BAG4: variants seen among roughly 807,000 people sequenced by gnomAD.
The protein encoded by BAG4 is BAG cochaperone 4, also known as BAG family molecular chaperone regulator 4.
BAG4 carries 28 observed loss-of-function variants against 52.1 expected under a neutral mutation model. The observed-to-expected ratio is 0.54, with a 90% CI of 0.40 to 0.74. BAG4 has a LOEUF of 0.74. BAG4 is among the 30% of genes least tolerant of loss of function. BAG4 has a pLI of 0.00. For synonymous variants in BAG4, 208 were observed against 217.0 expected, an observed-to-expected ratio of 0.96 and a Z score of 0.37; for missense variants, 525 against 572.0, an observed-to-expected ratio of 0.92 and a Z score of 0.84.
intron 2 of BAG4, among the ~76,000 whole-genome samples, chr8:38,195,068 A>G (rs1431183186): frequency 1.3e-5 from 2 of 149,758 alleles, no homozygotes; most frequent in Non-Finnish European, 3.0e-5. Flanking sequence ...GTTAGCCAGG[A>G]TGGTCTTGAT....
chr8:38,212,352 T>A lies in BAG4; in HGVS notation c.*1859T>A, dbSNP rs986914194. The A allele has an allele frequency of 1.3e-5, 2 of 152,202 alleles. No homozygotes were observed. The highest frequency in any genetic ancestry group is 4.8e-5 in the African/African-American group (2 of 41,452). The allele number at this position is 152,202 out of a possible 1,614,324, so 9.4% of individuals were successfully genotyped here. Reference sequence around the variant, plus strand: ...TACACATGTTATGCACATACATGTTTGTTTTCTAACAGTTATTTTTTAAGC... The same window carrying A: ...TACACATGTTATGCACATACATGTTAGTTTTCTAACAGTTATTTTTTAAGC... On this transcript the variant is annotated 3_prime_UTR_variant, in exon 5 of 5. Transcript: ENST00000287322.
intron 3 of BAG4, among the ~76,000 whole-genome samples, chr8:38,207,978 T>A (rs1355647733): frequency 6.6e-6 from 1 of 152,014 alleles, no homozygotes; most frequent in African/African-American, 2.4e-5. Context: ...CTGAAAGTAA[T>A]CTTTAGAGAG....
chr8:38,192,635 A>T, intron 1 of BAG4, 53 bp from the exon 2 acceptor site: 2 of 1,401,784 alleles, frequency 1.4e-6, no homozygotes, highest in Non-Finnish European at 2.0e-6. Flanking sequence ...AATCTATCTT[A>T]AAATGATGTA....
At chr8:38,187,866 C>CAAA (rs35690753) in intron 1 of BAG4, among the ~76,000 whole-genome samples, 44 of 56,062 alleles carry the variant, frequency 7.8e-4, no homozygotes, top group African/African-American at 2.7e-3. Flanking sequence ...ACTAAAAATA[C>CAAA]AAAAAAAAAA....
chr8:38,189,453 A>G (rs1157499225), intron 1 of BAG4, among the ~76,000 whole-genome samples: 2 of 152,196 alleles, frequency 1.3e-5, no homozygotes, highest in African/African-American at 4.8e-5. Context: ...CTCTGTGGTT[A>G]TGTTACCAAC....
rs200918218 is a variant in BAG4 at position 38,202,574 on chromosome 8, T to C, written c.379-4938T>C. ...GCTCGGCCCCCTTTTTTTTTTTTTT[T>C]CTGTTTCTCAGGCTGGAGTGCAATG... On this transcript the variant is annotated intron_variant, in intron 2 of 4. Transcript: ENST00000287322. Among the ~76,000 whole-genome samples, 565 of 151,216 alleles carry C rather than the reference T, an allele frequency of 3.7e-3. 6 individuals are homozygous for C. The highest frequency in any genetic ancestry group is 0.031 in the East Asian group (160 of 5,122).
At chr8:38,180,987 C>A (rs1803255504) in intron 1 of BAG4, among the ~76,000 whole-genome samples, 1 of 149,712 alleles carries the variant, frequency 6.7e-6, no homozygotes, top group South Asian at 2.1e-4. Flanking sequence ...GTTACCCAGG[C>A]TGGAGTGCGG....
intron 1 of BAG4, among the ~76,000 whole-genome samples, chr8:38,187,079 G>C (rs1295085158): frequency 6.6e-6 from 1 of 151,988 alleles, no homozygotes; most frequent in African/African-American, 2.4e-5. Flanking sequence ...CCATACACTG[G>C]AAAAAAAGCA....
intron 2 of BAG4, among the ~76,000 whole-genome samples, chr8:38,194,409 CT>C (rs750931003): frequency 3.7e-3 from 293 of 78,622 alleles, no homozygotes; most frequent in South Asian, 0.01. Flanking sequence ...TAGGTGTGTA[CT>C]TTTTTTTTTT....
chr8:38,179,356 C>G (rs964221571), intron 1 of BAG4, among the ~76,000 whole-genome samples: 1 of 150,910 alleles, frequency 6.6e-6, no homozygotes, highest in African/African-American at 2.4e-5. Flanking sequence ...GGGGTTTTGT[C>G]GTGTGGGCCA....
At position 38,206,190 on chromosome 8, in the gene BAG4, G is replaced by T. The variant is rs956900160; in HGVS notation, c.379-1322G>T. 2.0e-5 allele frequency among the ~76,000 whole-genome samples: 3 copies of T among 151,054 alleles called. No individual in the cohort carries two copies. In the East Asian group the frequency reaches 6.0e-4, roughly 30 times the overall value. Reference sequence around the variant, plus strand: ...CTTGGGAGGCTGAGGCAGGAGAATCGCTTGAATCTGGGGGGTGGAGGTTGC... The same window carrying T: ...CTTGGGAGGCTGAGGCAGGAGAATCTCTTGAATCTGGGGGGTGGAGGTTGC... On this transcript the variant is annotated intron_variant, in intron 2 of 4. Coordinates refer to ENST00000287322, the MANE Select transcript of BAG4 (RefSeq NM_004874.4).
chr8:38,205,027 T>C (rs1442075819), intron 2 of BAG4, among the ~76,000 whole-genome samples: 1 of 151,920 alleles, frequency 6.6e-6, no homozygotes, highest in East Asian at 1.9e-4. Context: ...CAGTAAAATA[T>C]TTATTTAGTT....
intron 2 of BAG4, among the ~76,000 whole-genome samples, chr8:38,197,603 G>A (rs1178121160): frequency 1.3e-5 from 2 of 152,140 alleles, no homozygotes; most frequent in Non-Finnish European, 2.9e-5. Context: ...ACTATTGTAG[G>A]CTTTATAAGC....
At chr8:38,177,172 G>GT (rs751430942) in intron 1 of BAG4, 33 bp downstream of exon 1, 1 of 1,605,136 alleles carries the variant, frequency 6.2e-7, no homozygotes, top group East Asian at 2.2e-5. Context: ...TTGCGGGGAG[G>GT]TGAGGGCCCT....
chr8:38,200,269 A>G (rs1261858846), intron 2 of BAG4, among the ~76,000 whole-genome samples: 1 of 152,156 alleles, frequency 6.6e-6, no homozygotes, highest in Non-Finnish European at 1.5e-5. Flanking sequence ...GGCCTCCCAA[A>G]GTGCTGGAAT....
rs555532591 is a variant in BAG4 at position 38,184,781 on chromosome 8, A to C, written c.270+7642A>C. Reference sequence around the variant, plus strand: ...TTGTAGACTTCCAGCCTTACATCACAGAGCCAAGTATAGAATGCTGTGCTT... The same window carrying C: ...TTGTAGACTTCCAGCCTTACATCACCGAGCCAAGTATAGAATGCTGTGCTT... On this transcript the variant is annotated intron_variant, in intron 1 of 4. Coordinates refer to ENST00000287322, the MANE Select transcript of BAG4 (RefSeq NM_004874.4). Among the ~76,000 whole-genome samples, 3 of 152,234 alleles carry C rather than the reference A, an allele frequency of 2.0e-5. No homozygotes were observed. The South Asian group carries it at 6.2e-4, about 32-fold the overall frequency.
chr8:38,192,048 C>T (rs1803484359), intron 1 of BAG4, among the ~76,000 whole-genome samples: 1 of 152,130 alleles, frequency 6.6e-6, no homozygotes, highest in Non-Finnish European at 1.5e-5. Context: ...TTAGCCATAG[C>T]ACAGAGTAGA....
At chr8:38,184,536 G>A (rs1011566086) in intron 1 of BAG4, among the ~76,000 whole-genome samples, 1 of 152,052 alleles carries the variant, frequency 6.6e-6, no homozygotes, top group African/African-American at 2.4e-5. Context: ...TTGGAAGAGT[G>A]GCCAGGAGGT....
intron 2 of BAG4, among the ~76,000 whole-genome samples, chr8:38,197,806 C>A (rs1369917806): frequency 2.6e-5 from 4 of 152,018 alleles, no homozygotes. Context: ...TTCAAGCGAT[C>A]CTGCCACCTC....
Sources: gnomAD v4.1 joint callset for allele counts (sites outside exome capture counted in the v4.1 genomes callset) on GRCh38, gnomAD v4.1.1 for gene constraint, MANE v1.5 for transcripts, NCBI Gene and HGNC (gene_info 2026-07-23, HGNC 2026-07-21) for gene names.